Variants in TNR observed in about 807,000 individuals in gnomAD.
TNR encodes tenascin R.
A neutral mutation model predicts 150.4 loss-of-function variants in TNR; 45 were observed. The observed-to-expected ratio is 0.30, with a 90% CI of 0.24 to 0.38. The LOEUF (loss-of-function observed/expected upper bound fraction) is 0.38. Among genes scored for constraint, TNR ranks in the 10% least tolerant of loss-of-function variants. TNR has a pLI of 1.00. For missense variants in TNR, 1,544 were observed against 1,759.1 expected, an observed-to-expected ratio of 0.88 and a Z score of 2.19; for synonymous variants, 687 against 678.4, an observed-to-expected ratio of 1.01 and a Z score of -0.20.
intron 1 of TNR, among the ~76,000 whole-genome samples, chr1:175,666,842 GT>G (rs1232955971): frequency 1.3e-5 from 2 of 152,164 alleles, no homozygotes; most frequent in Non-Finnish European, 2.9e-5. Flanking sequence ...CAAACTCCAG[GT>G]TCAAGCAATC....
chr1:175,629,325 A>G (rs1322425042), intron 1 of TNR, among the ~76,000 whole-genome samples: 1 of 152,208 alleles, frequency 6.6e-6, no homozygotes, highest in African/African-American at 2.4e-5. Flanking sequence ...GGAGAAAATG[A>G]TGCCAGGATC....
chr1:175,420,608 A>G (rs1314328672), intron 2 of TNR, among the ~76,000 whole-genome samples: 5 of 152,334 alleles, frequency 3.3e-5, no homozygotes, highest in African/African-American at 1.2e-4. Context: ...CCCTTTTGAA[A>G]AGCACTAAAA....
At chr1:175,506,045 C>A (rs965826363) in intron 2 of TNR, among the ~76,000 whole-genome samples, 6 of 152,128 alleles carry the variant, frequency 3.9e-5, no homozygotes, top group Non-Finnish European at 8.8e-5. Flanking sequence ...GTCTCAGAAA[C>A]AACAGATGAA....
intron 1 of TNR, among the ~76,000 whole-genome samples, chr1:175,624,645 C>T (rs1181951760): frequency 6.6e-6 from 1 of 152,128 alleles, no homozygotes; most frequent in African/African-American, 2.4e-5. Context: ...CCTGCTGATG[C>T]CTTGATTTTG....
At chr1:175,400,261 C>G (rs527713415) in intron 4 of TNR, among the ~76,000 whole-genome samples, 1 of 152,120 alleles carries the variant, frequency 6.6e-6, no homozygotes, top group African/African-American at 2.4e-5. Context: ...TTTTTCAATT[C>G]TATTCTACTT....
intron 2 of TNR, among the ~76,000 whole-genome samples, chr1:175,499,844 T>C (rs772823610): frequency 1.5e-4 from 23 of 152,110 alleles, no homozygotes; most frequent in Non-Finnish European, 2.4e-4. Flanking sequence ...CCCCTCTGCC[T>C]CTCCTCCCAG....
intron 1 of TNR, among the ~76,000 whole-genome samples, chr1:175,700,229 T>C (rs1318607052): frequency 1.3e-5 from 2 of 152,006 alleles, no homozygotes; most frequent in East Asian, 1.9e-4. Context: ...CAGCCCTCTC[T>C]TGGCCTCCCT....
At chr1:175,521,386 G>A (rs945305001) in intron 2 of TNR, among the ~76,000 whole-genome samples, 2 of 152,180 alleles carry the variant, frequency 1.3e-5, no homozygotes, top group South Asian at 2.1e-4. Flanking sequence ...AGTGTAAACA[G>A]CATTCCTCTC....
Position 175,318,575 on chromosome 1 carries a change from G to A in TNR, c.*4782C>T, listed in dbSNP as rs1245939472. 1 of 152,234 alleles carries A rather than the reference G, an allele frequency of 6.6e-6. No homozygotes were observed. Among genetic ancestry groups the A allele is most frequent in the Non-Finnish European group, 1.5e-5 (1 of 68,042 alleles). 9.4% of individuals were successfully genotyped at this position (152,234 alleles called of 1,614,324 possible). A position where few individuals can be genotyped will look rare whatever the true frequency, so the allele number is the denominator to read the frequency against. On this transcript the variant is annotated 3_prime_UTR_variant, in exon 23 of 23. Transcript: ENST00000367674. ...GGTAGTGTCCAAATGACCCAGTATT[G>A]TTGAAGAAAGCTTTATCACATATGT...
intron 1 of TNR, among the ~76,000 whole-genome samples, chr1:175,597,360 CT>C (rs1177942759): frequency 6.6e-6 from 1 of 152,192 alleles, no homozygotes; most frequent in Admixed American, 6.5e-5. Context: ...TGAGAAGTGA[CT>C]TTGTTCCCCA....
intron 2 of TNR, among the ~76,000 whole-genome samples, chr1:175,483,720 C>T (rs1224466439): frequency 1.3e-5 from 2 of 152,130 alleles, no homozygotes; most frequent in Non-Finnish European, 2.9e-5. Flanking sequence ...TTGAAGGGCT[C>T]AAAACCAAAC....
intron 1 of TNR, among the ~76,000 whole-genome samples, chr1:175,628,410 T>C (rs1235187214): frequency 6.6e-6 from 1 of 151,954 alleles, no homozygotes; most frequent in East Asian, 1.9e-4. Flanking sequence ...ATATACCTAA[T>C]GCTAAATGAC....
intron 1 of TNR, among the ~76,000 whole-genome samples, chr1:175,530,677 C>G (rs988678408): frequency 6.6e-6 from 1 of 151,954 alleles, no homozygotes; most frequent in Non-Finnish European, 1.5e-5. Context: ...CATACACATA[C>G]TTTTACAAGA....
At position 175,362,697 on chromosome 1, in the gene TNR, C is replaced by A; in HGVS notation, c.2820G>T (p.Glu940Asp). The A allele has an allele frequency of 6.2e-7, 1 of 1,614,128 alleles. No individual in the cohort carries two copies. The highest frequency in any genetic ancestry group is 8.5e-7 in the Non-Finnish European group (1 of 1,179,978). The change falls in exon 14 of 23, where the codon GAG (glutamate) becomes GAT (aspartate). Residue 940 changes from glutamate (E) to aspartate (D), a missense_variant. Physicochemically the swap from Glu to Asp is conservative, Grantham distance 45 (BLOSUM62 2). This residue lies in a region of TNR where 1,254 missense variants were observed against 1,329.4 expected (regional missense o/e 0.94). Transcript: ENST00000367674. The stretch of plus-strand genomic sequence containing the variant: ...CAAGAGTACAGATGCGCTCGCTTTC[C>A]TCCCTGCCCCGCACGCTGTTGAGGC... ...EISLNSVRGREESERICTLVH... is the reference protein window; with the variant it reads ...EISLNSVRGRDESERICTLVH...
intron 1 of TNR, among the ~76,000 whole-genome samples, chr1:175,532,136 G>T (rs1250090664): frequency 2.0e-5 from 3 of 152,204 alleles, no homozygotes; most frequent in African/African-American, 2.4e-5. Flanking sequence ...TGCTTGAAAG[G>T]TTTTGGTTGA....
chr1:175,502,120 A>T (rs1658761498), intron 2 of TNR, among the ~76,000 whole-genome samples: 1 of 151,758 alleles, frequency 6.6e-6, no homozygotes, highest in Non-Finnish European at 1.5e-5. Context: ...AGATTAACTG[A>T]CCCCCCATGC....
intron 2 of TNR, among the ~76,000 whole-genome samples, chr1:175,468,135 C>T (rs985466589): frequency 6.6e-6 from 1 of 152,146 alleles, no homozygotes; most frequent in East Asian, 1.9e-4. Flanking sequence ...AAAGCTGGGA[C>T]ACCTTGGTTT....
intron 1 of TNR, among the ~76,000 whole-genome samples, chr1:175,603,238 T>C (rs1215542691): frequency 6.6e-6 from 1 of 152,218 alleles, no homozygotes; most frequent in Non-Finnish European, 1.5e-5. Context: ...CTTTCCTGCT[T>C]CCCATACATA....
chr1:175,705,345 CA>C (rs944431808), intron 1 of TNR, among the ~76,000 whole-genome samples: 1 of 151,306 alleles, frequency 6.6e-6, no homozygotes, highest in Non-Finnish European at 1.5e-5. Flanking sequence ...TTTCTTTTGT[CA>C]AAAATTAAAA....
Sources: gnomAD v4.1 joint callset for allele counts (sites outside exome capture counted in the v4.1 genomes callset) on GRCh38, gnomAD v4.1.1 for gene constraint, gnomAD v4.1.1 regional missense constraint, MANE v1.5 for transcripts, NCBI Gene and HGNC (gene_info 2026-07-23, HGNC 2026-07-21) for gene names.